The following AREL1 variants were observed in gnomAD, a reference collection of about 807,000 sequenced individuals.
The protein encoded by AREL1 is apoptosis-resistant E3 ubiquitin protein ligase 1.
In AREL1, 62 loss-of-function variants were observed where a neutral mutation model predicts 99.0. The ratio of observed to expected loss-of-function variants is 0.63; its 90% CI spans 0.51 to 0.77. The LOEUF (loss-of-function observed/expected upper bound fraction) is 0.77. Ranked by LOEUF, AREL1 falls within the 30% of genes least tolerant of loss-of-function variation. The probability of loss-of-function intolerance (pLI) is 0.00; values close to 1 mark genes in which losing one functional copy is unlikely to be tolerated. For missense variants in AREL1, 879 were observed against 1,027.6 expected (o/e 0.86, Z 1.98); for synonymous variants, 380 against 376.5 (o/e 1.01, Z -0.11).
At position 74,683,528 on chromosome 14, in the gene AREL1, G is replaced by T; in HGVS notation, c.249C>A (p.Phe83Leu). The change falls in exon 5 of 20, where the codon TTC (phenylalanine) becomes TTA (leucine). Residue 83 changes from phenylalanine (F) to leucine (L), a missense_variant. By Grantham distance (22) the Phe-to-Leu change is conservative. Coordinates refer to ENST00000356357, the MANE Select transcript of AREL1 (RefSeq NM_001039479.2). Reference protein sequence around the residue: ...GHSMAFRVHLFYKNGQPFPAH... With the variant: ...GHSMAFRVHLLYKNGQPFPAH... ...CAGGGAAAGGCTGCCCGTTCTTATAGAATAACTGCCATGGGGAGAAGAAGG... is the reference window on the plus strand; with the variant it reads ...CAGGGAAAGGCTGCCCGTTCTTATATAATAACTGCCATGGGGAGAAGAAGG... 6.2e-7 allele frequency: 1 copy of T among 1,613,934 alleles called. No homozygotes were observed. Among genetic ancestry groups the T allele is most frequent in the Non-Finnish European group, 8.5e-7 (1 of 1,179,916 alleles).
intron 1 of AREL1, among the ~76,000 whole-genome samples, chr14:74,697,783 A>G (rs560272869): frequency 6.6e-6 from 1 of 152,162 alleles, no homozygotes; most frequent in Admixed American, 6.5e-5. Flanking sequence ...AGCAGGATGA[A>G]CTCACTCTCC....
At chr14:74,673,539 A>G (rs905868500) in intron 9 of AREL1, among the ~76,000 whole-genome samples, 2 of 152,250 alleles carry the variant, frequency 1.3e-5, no homozygotes, top group Non-Finnish European at 2.9e-5. Flanking sequence ...AATAGTAAGG[A>G]TATATTAAAC....
rs369895804 is a variant in AREL1, at chr14:74,667,451, A to T, written c.2044+14T>A. On this transcript the variant is annotated intron_variant, in intron 16 of 19. Coordinates refer to ENST00000356357, the MANE Select transcript of AREL1 (RefSeq NM_001039479.2). The stretch of plus-strand genomic sequence containing the variant: ...GTATTTTAACTTCAAGGCCAAGAAC[A>T]GACAGGATCCCACCTTTTAGGAAAT... 96 of 1,613,758 alleles carry T rather than the reference A, an allele frequency of 5.9e-5. No homozygotes were observed. Among genetic ancestry groups the T allele is most frequent in the Non-Finnish European group, 5.2e-5 (61 of 1,179,790 alleles).
chr14:74,686,781 C>A lies in AREL1; in HGVS notation c.-45-1121G>T, dbSNP rs73301919. ...AGGAATGACCGTCAAAAGTTTCATA[C>A]AAATCCTACTTAGAGTGATTATCTA... is the stretch of plus-strand genomic sequence containing the variant. On this transcript the variant is annotated intron_variant, in intron 2 of 19. Coordinates refer to ENST00000356357, the MANE Select transcript of AREL1 (RefSeq NM_001039479.2). Among the ~76,000 whole-genome samples the A allele has an allele frequency of 1.0e-3, 154 of 152,252 alleles. 2 individuals carry two copies. Among genetic ancestry groups the A allele is most frequent in the African/African-American group, 3.3e-3 (137 of 41,540 alleles).
At chr14:74,680,456 G>A (rs1037000382) in intron 5 of AREL1, among the ~76,000 whole-genome samples, 1 of 152,128 alleles carries the variant, frequency 6.6e-6, no homozygotes, top group Non-Finnish European at 1.5e-5. Flanking sequence ...CATTGCTGGT[G>A]GGAATGTAAA....
At chr14:74,666,236 A>C (rs536771387) in intron 17 of AREL1, among the ~76,000 whole-genome samples, 1 of 152,376 alleles carries the variant, frequency 6.6e-6, no homozygotes, top group East Asian at 1.9e-4. Context: ...CTCCCTAAAG[A>C]AACGTTTGCA....
At chr14:74,683,271 A>G (rs763173274) in intron 5 of AREL1, 25 bp downstream of exon 5, 1 of 1,544,462 alleles carries the variant, frequency 6.5e-7, no homozygotes, top group Non-Finnish European at 8.9e-7. Context: ...AGACAAAGGG[A>G]AAAAGAAAGG....
rs759754971 is a variant in AREL1, at chr14:74,669,927, A to G, written c.1788+20T>C. 1.3e-6 allele frequency: 2 copies of G among 1,590,128 alleles called. No homozygotes were observed. The highest frequency in any genetic ancestry group is 3.5e-5 in the Admixed American group (2 of 56,868). On this transcript the variant is annotated intron_variant, in intron 14 of 19. Coordinates refer to ENST00000356357, the MANE Select transcript of AREL1 (RefSeq NM_001039479.2). ...TAATGGCCAGGGGCCTTAGTAGGAA[A>G]TGCACACCCAAGATGTTACCTTGTA...
At chr14:74,682,118 A>C (rs1034156548) in intron 5 of AREL1, among the ~76,000 whole-genome samples, 2 of 152,222 alleles carry the variant, frequency 1.3e-5, no homozygotes, top group Non-Finnish European at 2.9e-5. Flanking sequence ...TCATATGAAA[A>C]GGAGTATCTG....
intron 1 of AREL1, among the ~76,000 whole-genome samples, chr14:74,706,824 G>C (rs531656449): frequency 6.6e-6 from 1 of 152,288 alleles, no homozygotes; most frequent in East Asian, 1.9e-4. Context: ...AGAGGGTATG[G>C]ATGGATACCT....
chr14:74,689,601 T>C (rs894726666), intron 2 of AREL1, among the ~76,000 whole-genome samples: 16 of 145,402 alleles, frequency 1.1e-4, no homozygotes, highest in Non-Finnish European at 2.3e-4. Context: ...TCTTTTTTTT[T>C]TTTTTTTTTT....
intron 9 of AREL1, 31 bp from the exon 10 acceptor site, chr14:74,673,249 T>C: frequency 5.0e-6 from 8 of 1,610,862 alleles, no homozygotes; most frequent in Non-Finnish European, 6.8e-6. Flanking sequence ...AATTAATCTA[T>C]AAAACCCTCA....
chr14:74,677,348 T>C (rs902623001), intron 5 of AREL1, among the ~76,000 whole-genome samples: 1 of 151,570 alleles, frequency 6.6e-6, no homozygotes, highest in Non-Finnish European at 1.5e-5. Flanking sequence ...AAAATAAAAA[T>C]TAGCCAGGCA....
At chr14:74,672,486 C>T (rs548886377) in intron 11 of AREL1, among the ~76,000 whole-genome samples, 1 of 152,256 alleles carries the variant, frequency 6.6e-6, no homozygotes, top group South Asian at 2.1e-4. Flanking sequence ...CCTGTAATCC[C>T]AACACTTTGG....
At chr14:74,702,182 C>T (rs928683010) in intron 1 of AREL1, among the ~76,000 whole-genome samples, 1 of 152,318 alleles carries the variant, frequency 6.6e-6, no homozygotes, top group African/African-American at 2.4e-5. Context: ...AGACAGTGCC[C>T]CAGTGGGGAC....
chr14:74,683,196 T>C (rs1033917526), intron 5 of AREL1, 100 bp downstream of exon 5: 8 of 824,332 alleles, frequency 9.7e-6, no homozygotes, highest in Admixed American at 8.5e-5. Context: ...GGCATGGGAA[T>C]TAAATCTCAA....
intron 1 of AREL1, among the ~76,000 whole-genome samples, chr14:74,711,235 CAAA>C (rs142774254): frequency 5.0e-5 from 4 of 79,780 alleles, no homozygotes; most frequent in Admixed American, 1.4e-4. Context: ...AACTCCGTCT[CAAA>C]AAAAAAAAAA....
At chr14:74,704,788 A>G (rs988630741) in intron 1 of AREL1, among the ~76,000 whole-genome samples, 1 of 152,136 alleles carries the variant, frequency 6.6e-6, no homozygotes, top group African/African-American at 2.4e-5. Context: ...TTTTTTCTTC[A>G]TAGTTTGTGG....
Position 74,663,724 on chromosome 14 carries a change from A to C in AREL1, c.2468T>G (p.Leu823Arg), listed in dbSNP as rs767983612. 1.9e-6 allele frequency: 3 copies of C among 1,613,826 alleles called. No individual in the cohort carries two copies. Among genetic ancestry groups the C allele is most frequent in the Non-Finnish European group, 1.7e-6 (2 of 1,180,000 alleles). ...ISEGCEGFGM[L>R] Reference sequence around the variant, plus strand: ...AACTGGATGACAGGAGAGTGGTCAGAGCATGCCAAAGCCCTCGCAACCCTC... The same window carrying C: ...AACTGGATGACAGGAGAGTGGTCAGCGCATGCCAAAGCCCTCGCAACCCTC... The change falls in exon 20 of 20, where the codon CTC becomes CGC. Residue 823 changes from leucine to arginine, a missense_variant. Leu to Arg is a moderately radical substitution (Grantham distance 102, BLOSUM62 -2). Coordinates refer to ENST00000356357, the MANE Select transcript of AREL1 (RefSeq NM_001039479.2).
Sources: allele counts gnomAD v4.1 joint callset (sites outside exome capture counted in the v4.1 genomes callset), GRCh38; gene constraint gnomAD v4.1.1; transcripts MANE v1.5; gene names NCBI Gene and HGNC (gene_info 2026-07-23, HGNC 2026-07-21).